PTCRA: variants seen among roughly 807,000 people sequenced by gnomAD.
PTCRA encodes the protein pre T cell antigen receptor alpha.
A neutral mutation model predicts 13.4 loss-of-function variants in PTCRA; 9 were observed. That is an observed-to-expected ratio of 0.67 (90% CI 0.41 to 1.18). The LOEUF is 1.18. PTCRA is among the 50% of genes most tolerant of loss of function. The pLI, the probability that PTCRA is intolerant of heterozygous loss-of-function variation, is 0.01. For missense variants in PTCRA, 353 were observed against 359.8 expected (o/e 0.98, Z 0.15); for synonymous variants, 153 against 161.9 (o/e 0.94, Z 0.42).
chr6:42,924,577 A>T (rs535522368), intron 3 of PTCRA, among the ~76,000 whole-genome samples: 33 of 152,250 alleles, frequency 2.2e-4, no homozygotes, highest in African/African-American at 7.0e-4. Context: ...GGGTCTCAGC[A>T]TTAGAGGCCG....
rs143257639 is a variant in PTCRA at position 42,923,646 on chromosome 6, A to T, written c.379+299A>T. ...CATAGATAATCACCCTGTGTACATG[A>T]CACCCTATAAGGACCAAACTAATTA... On this transcript the variant is annotated intron_variant, in intron 2 of 3. Transcript: ENST00000304672. Among the ~76,000 whole-genome samples the T allele has an allele frequency of 4.8e-3, 735 of 152,310 alleles. 6 individuals carry two copies. Among genetic ancestry groups the T allele is most frequent in the African/African-American group, 0.017 (695 of 41,550 alleles).
chr6:42,925,447 G>C lies in PTCRA; in HGVS notation c.611G>C (p.Gly204Ala). 1 of 1,555,428 alleles carries C rather than the reference G, an allele frequency of 6.4e-7. No individual in the cohort carries two copies. Among genetic ancestry groups the C allele is most frequent in the Non-Finnish European group, 8.7e-7 (1 of 1,148,984 alleles). ...CTGCACCCGGCCACGGAGACTGGGG[G>C]ACGAGAGGCCACCAGCTCACCCAGA... Reference protein sequence around the residue: ...HRLHPATETGGREATSSPRPQ... With the variant: ...HRLHPATETGAREATSSPRPQ... Residue 204 changes from glycine (G) to alanine (A), a missense_variant, in exon 4 of 4, where the codon GGA becomes GCA. Coordinates refer to ENST00000304672, the MANE Select transcript of PTCRA (RefSeq NM_138296.3). This position sits in a 1 kb window ranked among gnomAD's most constrained non-coding sequence, Gnocchi z 4.4.
At chr6:42,920,710 C>G (rs894583506) in intron 1 of PTCRA, among the ~76,000 whole-genome samples, 3 of 152,072 alleles carry the variant, frequency 2.0e-5, no homozygotes, top group African/African-American at 7.2e-5. Context: ...CAGGCTTGAG[C>G]CACAGCGCCC....
Position 42,925,722 on chromosome 6 carries a change from CT to C in PTCRA, c.*41del. ...CTCCCCTGCGTCACACTGTGTGAGGCTGTGTCTCTGCCATCCAAAAGGGGGC... is the reference window on the plus strand; with the variant it reads ...CTCCCCTGCGTCACACTGTGTGAGGCGTGTCTCTGCCATCCAAAAGGGGGC... On this transcript the variant is annotated 3_prime_UTR_variant, in exon 4 of 4. Coordinates refer to ENST00000304672, the MANE Select transcript of PTCRA (RefSeq NM_138296.3). The surrounding 1 kb of genome is among the most constrained non-coding windows in gnomAD (Gnocchi z 4.4). 7.2e-7 allele frequency: 1 copy of C among 1,396,864 alleles called. No homozygotes were observed. The highest frequency in any genetic ancestry group is 1.5e-5 in the South Asian group (1 of 66,476). 86.5% of individuals were successfully genotyped at this position (1,396,864 alleles called of 1,614,324 possible).
intron 1 of PTCRA, among the ~76,000 whole-genome samples, chr6:42,917,026 T>TGAGCCCTGGAGCTC (rs1226822306): frequency 3.7e-4 from 56 of 152,212 alleles, no homozygotes; most frequent in African/African-American, 1.3e-3. Flanking sequence ...CTCTGGAGGT[T>TGAGCCCTGGAGCTC]GAGTCCTGGA....
At chr6:42,918,755 T>C (rs1766989649) in intron 1 of PTCRA, among the ~76,000 whole-genome samples, 1 of 151,368 alleles carries the variant, frequency 6.6e-6, no homozygotes, top group Non-Finnish European at 1.5e-5. Flanking sequence ...AAATCCTGAA[T>C]GGACAACTTA....
At chr6:42,920,608 G>A (rs1057126114) in intron 1 of PTCRA, among the ~76,000 whole-genome samples, 5 of 151,658 alleles carry the variant, frequency 3.3e-5, no homozygotes, top group Admixed American at 2.0e-4. Flanking sequence ...TGTATTTTTA[G>A]TAGAGACGGG....
rs776182353 is a variant in PTCRA, at chr6:42,925,244, G to A, written c.425-17G>A. On this transcript the variant is annotated splice_polypyrimidine_tract_variant and intron_variant, in intron 3 of 3. Coordinates refer to ENST00000304672, the MANE Select transcript of PTCRA (RefSeq NM_138296.3). This position sits in a 1 kb window ranked among gnomAD's most constrained non-coding sequence, Gnocchi z 4.4. ...GCTGCGGGCTCCTGCGGGCTCCTGAGCGGTTCCTCCTCGCAGGGACACCGG... is the reference window on the plus strand; with the variant it reads ...GCTGCGGGCTCCTGCGGGCTCCTGAACGGTTCCTCCTCGCAGGGACACCGG... 6.3e-7 allele frequency: 1 copy of A among 1,578,714 alleles called. No individual in the cohort carries two copies. The highest frequency in any genetic ancestry group is 1.7e-5 in the Admixed American group (1 of 57,382).
At chr6:42,922,899 C>A in intron 1 of PTCRA, 128 bp from the exon 2 acceptor site, 2 of 835,880 alleles carry the variant, frequency 2.4e-6, no homozygotes, top group Non-Finnish European at 3.8e-6. Context: ...GCTAGAAGGA[C>A]ATGTAGATGG....
Position 42,925,139 on chromosome 6 carries a change from T to A in PTCRA, c.425-122T>A. On this transcript the variant is annotated intron_variant, in intron 3 of 3. Transcript: ENST00000304672. This position sits in a 1 kb window ranked among gnomAD's most constrained non-coding sequence, Gnocchi z 4.4. ...ACGGAGGCTAGACACCGGGAAGGAC[T>A]TTCCCTGGAGGAGGGGGTGAAGGGG... The A allele has an allele frequency of 7.5e-7, 1 of 1,333,684 alleles. No individual in the cohort carries two copies. The highest frequency in any genetic ancestry group is 2.5e-5 in the East Asian group (1 of 39,570). The allele number at this position is 1,333,684 out of a possible 1,614,324, so 82.6% of individuals were successfully genotyped here.
intron 1 of PTCRA, among the ~76,000 whole-genome samples, chr6:42,921,805 G>A (rs7761136): frequency 0.24 from 36,028 of 149,304 alleles, 4,560 homozygotes; most frequent in East Asian, 0.43. Flanking sequence ...AGGCCAGGGC[G>A]GGCAGATCAC....
chr6:42,925,455 G>A lies in PTCRA; in HGVS notation c.619G>A (p.Ala207Thr). 1 of 1,555,878 alleles carries A rather than the reference G, an allele frequency of 6.4e-7. No homozygotes were observed. Among genetic ancestry groups the A allele is most frequent in the Middle Eastern group, 1.7e-4 (1 of 5,956 alleles). The stretch of plus-strand genomic sequence containing the variant: ...GGCCACGGAGACTGGGGGACGAGAG[G>A]CCACCAGCTCACCCAGACCCCAGCC... The part of the protein sequence containing the change: ...HPATETGGRE[A>T]TSSPRPQPRD... The change falls in exon 4 of 4, where the codon GCC (alanine) becomes ACC (threonine). Residue 207 changes from alanine (A) to threonine (T), a missense_variant. Coordinates refer to ENST00000304672, the MANE Select transcript of PTCRA (RefSeq NM_138296.3). The surrounding 1 kb of genome is among the most constrained non-coding windows in gnomAD (Gnocchi z 4.4).
rs6901007 is a variant in PTCRA, at chr6:42,925,096, G to T, written c.425-165G>T. The T allele has an allele frequency of 0.57, 499,108 of 868,746 alleles. 148,778 individuals are homozygous for T. Among genetic ancestry groups the T allele is most frequent in the African/African-American group, 0.9 (53,024 of 58,984 alleles). 53.8% of individuals were successfully genotyped at this position (868,746 alleles called of 1,614,324 possible). ...AATAAAATGAAGGCCAGGAAGGTAT[G>T]TATTATTACCAGTAAGAACGGAGGC... On this transcript the variant is annotated intron_variant, in intron 3 of 3. Coordinates refer to ENST00000304672, the MANE Select transcript of PTCRA (RefSeq NM_138296.3). This position sits in a 1 kb window ranked among gnomAD's most constrained non-coding sequence, Gnocchi z 4.4.
chr6:42,922,127 G>A (rs749432961), intron 1 of PTCRA: 54 of 667,970 alleles, frequency 8.1e-5, no homozygotes, highest in Non-Finnish European at 1.3e-4. Context: ...ATTAACAAAC[G>A]TTTAACATTT....
intron 1 of PTCRA, among the ~76,000 whole-genome samples, chr6:42,917,712 G>A (rs1766947062): frequency 6.7e-6 from 1 of 149,824 alleles, no homozygotes; most frequent in Admixed American, 6.7e-5. Context: ...ATCATGCCCG[G>A]CTAATTTTTG....
intron 1 of PTCRA, among the ~76,000 whole-genome samples, chr6:42,921,788 C>G (rs1286362113): frequency 1.4e-5 from 2 of 146,684 alleles, no homozygotes; most frequent in Non-Finnish European, 3.0e-5. Flanking sequence ...AATCCTAGCA[C>G]TTTGGGAGGC....
At chr6:42,921,442 A>G (rs1581684068) in intron 1 of PTCRA, among the ~76,000 whole-genome samples, 1 of 100,812 alleles carries the variant, frequency 9.9e-6, no homozygotes, top group Non-Finnish European at 1.9e-5. Flanking sequence ...TTTTTGAGAG[A>G]GAGTCTTGCT....
In PTCRA at chr6:42,924,530, G is replaced by A. The variant is rs1217379035; in HGVS notation, c.424+257G>A. ...GAAGCACAGGTGACAGCTAACAGAG[G>A]GGTCTTTGGAGTCCTCCTTGGGCAG... On this transcript the variant is annotated intron_variant, in intron 3 of 3. Transcript: ENST00000304672. The A allele has an allele frequency of 7.2e-6, 4 of 555,802 alleles. No individual in the cohort carries two copies. The Admixed American group carries it at 1.0e-4, about 14-fold the overall frequency. 34.4% of individuals were successfully genotyped at this position (555,802 alleles called of 1,614,324 possible). A position where few individuals can be genotyped will look rare whatever the true frequency, so the allele number is the denominator to read the frequency against.
rs139322369 is a variant in PTCRA at position 42,923,833 on chromosome 6, T to A, written c.380-396T>A. On this transcript the variant is annotated intron_variant, in intron 2 of 3. Coordinates refer to ENST00000304672, the MANE Select transcript of PTCRA (RefSeq NM_138296.3). ...ATTTTTGTTTCCCCCTCCATTGTAT[T>A]TTGAAACAGTCAGCTATTATTATCA... is the stretch of plus-strand genomic sequence containing the variant. Among the ~76,000 whole-genome samples the A allele has an allele frequency of 2.0e-5, 3 of 152,324 alleles. No homozygotes were observed. The East Asian group carries it at 5.8e-4, about 29-fold the overall frequency.
Sources: gnomAD v4.1 joint callset for allele counts (sites outside exome capture counted in the v4.1 genomes callset) on GRCh38, gnomAD v4.1.1 for gene constraint, Gnocchi (gnomAD v3.1) non-coding constraint, MANE v1.5 for transcripts, NCBI Gene and HGNC (gene_info 2026-07-23, HGNC 2026-07-21) for gene names.